Variants in CATSPER3 observed in about 807,000 individuals in gnomAD.
CATSPER3 encodes the protein cation channel sperm associated 3.
A neutral mutation model predicts 36.6 loss-of-function variants in CATSPER3; 23 were observed. The observed-to-expected ratio is 0.63, with a 90% CI of 0.45 to 0.89. The LOEUF is 0.89. Ranked by LOEUF, CATSPER3 falls within the 40% of genes least tolerant of loss-of-function variation. The pLI is 0.00. For synonymous variants in CATSPER3, 172 were observed against 184.1 expected, an observed-to-expected ratio of 0.93 and a Z score of 0.53; for missense variants, 474 against 503.9, an observed-to-expected ratio of 0.94 and a Z score of 0.57.
Position 134,969,953 on chromosome 5 carries a change from A to G in CATSPER3, c.113A>G (p.Glu38Gly). The G allele has an allele frequency of 6.2e-7, 1 of 1,614,104 alleles. No homozygotes were observed. Among genetic ancestry groups the G allele is most frequent in the Non-Finnish European group, 8.5e-7 (1 of 1,180,006 alleles). The change falls in exon 2 of 8, where the codon GAA (glutamate) becomes GGA (glycine). Residue 38 changes from glutamate (E) to glycine (G), a missense_variant. By Grantham distance (98) the Glu-to-Gly change is moderately conservative. Coordinates refer to ENST00000282611, the MANE Select transcript of CATSPER3 (RefSeq NM_178019.3). ...TFKKFKRNDDECRAFVKRVIM... is the reference protein window; with the variant it reads ...TFKKFKRNDDGCRAFVKRVIM... The stretch of plus-strand genomic sequence containing the variant: ...CTTTTTGACAGGAGGAACGATGATG[A>G]ATGTCGGGCATTTGTGAAGAGAGTC...
chr5:134,978,644 T>C (rs187338574), intron 2 of CATSPER3, among the ~76,000 whole-genome samples: 11 of 151,882 alleles, frequency 7.2e-5, no homozygotes, highest in African/African-American at 2.7e-4. Flanking sequence ...AATAAACATG[T>C]AAAGACTGGA....
intron 2 of CATSPER3, chr5:134,995,910 C>A: frequency 2.9e-6 from 1 of 339,752 alleles, no homozygotes; most frequent in Non-Finnish European, 5.7e-6. Context: ...CATCTATATT[C>A]CTAAAAGTTT....
At chr5:134,982,720 C>T (rs1454994126) in intron 2 of CATSPER3, among the ~76,000 whole-genome samples, 1 of 152,078 alleles carries the variant, frequency 6.6e-6, no homozygotes, top group African/African-American at 2.4e-5. Context: ...TGGAAATGAA[C>T]AAGACAGTAA....
chr5:134,995,204 T>C (rs1751929917), intron 2 of CATSPER3, among the ~76,000 whole-genome samples: 2 of 152,146 alleles, frequency 1.3e-5, no homozygotes, highest in African/African-American at 4.8e-5. Context: ...TTAACTATAG[T>C]CACTTCACTG....
intron 3 of CATSPER3, among the ~76,000 whole-genome samples, chr5:134,998,841 A>T (rs565502223): frequency 6.6e-6 from 1 of 152,188 alleles, no homozygotes; most frequent in South Asian, 2.1e-4. Context: ...TAGATTGCAA[A>T]AATTTTCTCC....
chr5:134,990,514 T>C (rs1751865970), intron 2 of CATSPER3, among the ~76,000 whole-genome samples: 2 of 152,306 alleles, frequency 1.3e-5, no homozygotes, highest in African/African-American at 4.8e-5. Context: ...CAGCTTGACT[T>C]CTCCCTTTAG....
chr5:134,989,137 C>T (rs533489162), intron 2 of CATSPER3, among the ~76,000 whole-genome samples: 1 of 152,194 alleles, frequency 6.6e-6, no homozygotes, highest in South Asian at 2.1e-4. Context: ...TAAAATATTC[C>T]ATAAACCATG....
intron 4 of CATSPER3, 135 bp downstream of exon 4, chr5:135,008,274 TGG>T (rs1752116932): frequency 2.7e-6 from 2 of 730,800 alleles, no homozygotes; most frequent in Non-Finnish European, 4.7e-6. Flanking sequence ...CTAGGGAAGC[TGG>T]GGTCTGTTCC....
rs114898559 is a variant in CATSPER3 at position 134,996,847 on chromosome 5, A to G, written c.492+335A>G. Among the ~76,000 whole-genome samples the G allele has an allele frequency of 3.3e-3, 500 of 152,318 alleles. 4 individuals carry two copies. The highest frequency in any genetic ancestry group is 0.011 in the African/African-American group (460 of 41,574). On this transcript the variant is annotated intron_variant, in intron 3 of 7. Transcript: ENST00000282611. ...GCAAAGTGCCTGATTTTCTTATGCT[A>G]TGCATCCTTTGAACTACATGCCCAG...
At chr5:134,980,574 G>A (rs1751738648) in intron 2 of CATSPER3, among the ~76,000 whole-genome samples, 1 of 151,528 alleles carries the variant, frequency 6.6e-6, no homozygotes, top group African/African-American at 2.4e-5. Flanking sequence ...GGGATTACAG[G>A]CATGCACCAC....
At chr5:134,986,290 A>AT (rs1751807329) in intron 2 of CATSPER3, among the ~76,000 whole-genome samples, 1 of 150,136 alleles carries the variant, frequency 6.7e-6, no homozygotes, top group African/African-American at 2.5e-5. Flanking sequence ...GATTATAGGC[A>AT]TGTGCCACCA....
chr5:134,972,350 C>T (rs1751618313), intron 2 of CATSPER3, among the ~76,000 whole-genome samples: 1 of 152,052 alleles, frequency 6.6e-6, no homozygotes, highest in Non-Finnish European at 1.5e-5. Context: ...AATGAAAGCC[C>T]ACCACAAAGA....
At chr5:134,995,746 C>A (rs1751937282) in intron 2 of CATSPER3, 1 of 192,872 alleles carries the variant, frequency 5.2e-6, no homozygotes, top group Admixed American at 5.3e-5. Flanking sequence ...ACAAAGAGTA[C>A]TTCTTGGTAA....
At chr5:134,978,949 C>T (rs1751715194) in intron 2 of CATSPER3, among the ~76,000 whole-genome samples, 1 of 152,058 alleles carries the variant, frequency 6.6e-6, no homozygotes, top group Non-Finnish European at 1.5e-5. Context: ...GTCTCGATCT[C>T]CTGACCTTGT....
intron 2 of CATSPER3, among the ~76,000 whole-genome samples, chr5:134,973,795 A>G (rs562511385): frequency 9.8e-5 from 15 of 152,338 alleles, no homozygotes; most frequent in African/African-American, 3.6e-4. Flanking sequence ...AATAATTGCA[A>G]TGTATTGAAA....
At chr5:135,009,297 C>CG (rs1752146223) in intron 5 of CATSPER3, 74 bp from the exon 6 acceptor site, 1 of 1,508,172 alleles carries the variant, frequency 6.6e-7, no homozygotes, top group African/African-American at 1.4e-5. Context: ...CGGTGCAAGA[C>CG]TGGGGAAGAG....
chr5:134,977,928 C>G (rs948750120), intron 2 of CATSPER3, among the ~76,000 whole-genome samples: 2 of 152,078 alleles, frequency 1.3e-5, no homozygotes, highest in African/African-American at 4.8e-5. Flanking sequence ...GAGGGGGGAA[C>G]TGCCACACAC....
chr5:134,971,442 A>G (rs1751605655), intron 2 of CATSPER3, among the ~76,000 whole-genome samples: 2 of 152,158 alleles, frequency 1.3e-5, no homozygotes, highest in South Asian at 2.1e-4. Flanking sequence ...CAAAAAAACC[A>G]GAGCAACTAG....
At chr5:134,976,828 T>C (rs1179279781) in intron 2 of CATSPER3, among the ~76,000 whole-genome samples, 1 of 152,224 alleles carries the variant, frequency 6.6e-6, no homozygotes, top group African/African-American at 2.4e-5. Context: ...CTTAACACCA[T>C]GTGGAAGCCA....
Sources: gnomAD v4.1 joint callset for allele counts (sites outside exome capture counted in the v4.1 genomes callset) on GRCh38, gnomAD v4.1.1 for gene constraint, MANE v1.5 for transcripts, NCBI Gene and HGNC (gene_info 2026-07-23, HGNC 2026-07-21) for gene names.